WNK2: variants seen among roughly 807,000 people sequenced by gnomAD.
WNK2 encodes serine/threonine-protein kinase WNK2.
WNK2 carries 67 observed loss-of-function variants against 192.1 expected under a neutral mutation model. The observed-to-expected ratio is 0.35, with a 90% CI of 0.29 to 0.43. The LOEUF (loss-of-function observed/expected upper bound fraction) is 0.43, where lower values mean the gene tolerates loss of function less well. Ranked by LOEUF, WNK2 falls within the 20% of genes least tolerant of loss-of-function variation. The probability of loss-of-function intolerance (pLI) is 1.00; values close to 1 mark genes in which losing one functional copy is unlikely to be tolerated. For synonymous variants in WNK2, 1,439 were observed against 1,393.9 expected (o/e 1.03, Z -0.72); for missense variants, 2,698 against 3,089.7 (o/e 0.87, Z 3.01).
At chr9:93,190,346 G>A (rs186521951) in intron 2 of WNK2, among the ~76,000 whole-genome samples, 24 of 152,322 alleles carry the variant, frequency 1.6e-4, no homozygotes, top group Middle Eastern at 3.4e-3. Flanking sequence ...TGAGGCTGAG[G>A]CACCACAGCT....
intron 11 of WNK2, among the ~76,000 whole-genome samples, chr9:93,258,360 C>T (rs1240233490): frequency 6.6e-6 from 1 of 152,194 alleles, no homozygotes; most frequent in East Asian, 1.9e-4. Flanking sequence ...TCCCCTGAGC[C>T]AGCCAAGGTG....
At position 93,234,978 on chromosome 9, in the gene WNK2, G is replaced by C. The variant is rs779156256; in HGVS notation, c.1233+13G>C. ...CAAGGTCACCTGTGTGAGTCCACCTGGCCCCTTGGTTAATTAATAAGGACA... is the reference window on the plus strand; with the variant it reads ...CAAGGTCACCTGTGTGAGTCCACCTCGCCCCTTGGTTAATTAATAAGGACA... On this transcript the variant is annotated intron_variant, in intron 5 of 29. Transcript: ENST00000427277. The C allele has an allele frequency of 3.1e-6, 5 of 1,613,830 alleles. No individual in the cohort carries two copies. The highest frequency in any genetic ancestry group is 4.2e-6 in the Non-Finnish European group (5 of 1,179,806).
At chr9:93,269,967 GCTGGGGTC>G (rs1332444254) in intron 19 of WNK2, among the ~76,000 whole-genome samples, 5 of 152,206 alleles carry the variant, frequency 3.3e-5, no homozygotes, top group Non-Finnish European at 7.3e-5. Context: ...GAATTATTAG[GCTGGGGTC>G]CTGGGAAGGA....
intron 23 of WNK2, among the ~76,000 whole-genome samples, chr9:93,294,445 G>A (rs1849913475): frequency 6.6e-6 from 1 of 152,228 alleles, no homozygotes; most frequent in South Asian, 2.1e-4. Context: ...GGAGCCCAAG[G>A]TGGGTATGAC....
intron 23 of WNK2, among the ~76,000 whole-genome samples, chr9:93,293,996 C>G (rs185827498): frequency 2.6e-5 from 4 of 152,032 alleles, no homozygotes; most frequent in Admixed American, 2.0e-4. Context: ...CTCCATGTCT[C>G]TTTCCCTCAT....
In WNK2 at chr9:93,225,049, AC is replaced by A. The variant is rs1411609347; in HGVS notation, c.682-4644del. 5.9e-5 allele frequency among the ~76,000 whole-genome samples: 9 copies of A among 152,178 alleles called. No homozygotes were observed. The South Asian group carries it at 1.9e-3, about 32-fold the overall frequency. On this transcript the variant is annotated intron_variant, in intron 2 of 29. Coordinates refer to ENST00000427277, the MANE Select transcript of WNK2 (RefSeq NM_006648.4). The stretch of plus-strand genomic sequence containing the variant: ...TGGACAGGCTCTGTGGGGGCAGCAT[AC>A]CCTGTAGGTGGGCTCTGGGCAGGGC...
In WNK2 at chr9:93,289,993, C is replaced by T. The variant is rs1219348244; in HGVS notation, c.4882C>T (p.Leu1628=). The T allele has an allele frequency of 6.3e-7, 1 of 1,576,062 alleles. No homozygotes were observed. Among genetic ancestry groups the T allele is most frequent in the Non-Finnish European group, 8.6e-7 (1 of 1,159,660 alleles). The change falls in exon 21 of 30, where the codon CTG becomes TTG. Residue 1628 remains leucine, a synonymous_variant. Transcript: ENST00000427277. ...CTTTCTCCAGGTGGAGAAGTCAGAA[C>T]TGGCCCCCACTCGAGGGGCCGTGAT... ...LPQPLVEKSE[L]APTRGAVMEQ... is the part of the protein sequence containing the mutation.
At chr9:93,211,243 CACTCACTCACTCATTCACT>C (rs1834569719) in intron 2 of WNK2, among the ~76,000 whole-genome samples, 1 of 76,522 alleles carries the variant, frequency 1.3e-5, no homozygotes, top group Non-Finnish European at 2.6e-5. Flanking sequence ...CTCACTCATT[CACTCACTCACTCATTCACT>C]CATTCACTCA....
At position 93,185,284 on chromosome 9, in the gene WNK2, G is replaced by A. The variant is rs1829086549; in HGVS notation, c.355G>A (p.Val119Met). The change falls in exon 2 of 30, where the codon GTG becomes ATG. Residue 119 changes from valine (V) to methionine (M), a missense_variant. By Grantham distance (21) the Val-to-Met change is conservative (BLOSUM62 1). Transcript: ENST00000427277. ...GAPADAGPEP[V>M]GTQEPGPDPI... ...CCCCGCGGACGCCGGCCCCGAGCCC[G>A]TGGGCACGCAGGAGCCCGGCCCGGA... The A allele has an allele frequency of 1.5e-6, 2 of 1,377,208 alleles. No individual in the cohort carries two copies. Among genetic ancestry groups the A allele is most frequent in the Non-Finnish European group, 9.3e-7 (1 of 1,072,302 alleles). 85.3% of individuals were successfully genotyped at this position (1,377,208 alleles called of 1,614,324 possible). A position where few individuals can be genotyped will look rare whatever the true frequency, so the allele number is the denominator to read the frequency against.
Position 93,259,218 on chromosome 9 carries a change from C to T in WNK2, c.2670C>T (p.Ala890=), listed in dbSNP as rs765132210. ...CCACTATCCCCCTGCTGGCCGTAGC[C>T]CCACCGGGCGTGGCTGCCCTGTCCA... ...APATIPLLAV[A]PPGVAALSIH... Residue 890 remains alanine, a synonymous_variant, in exon 12 of 30, where the codon GCC becomes GCT. Transcript: ENST00000427277. The surrounding 1 kb of genome is among the most constrained non-coding windows in gnomAD (Gnocchi z 4.8). The T allele has an allele frequency of 2.5e-6, 4 of 1,613,230 alleles. No individual in the cohort carries two copies. The East Asian group carries it at 6.7e-5, about 27-fold the overall frequency.
At position 93,185,274 on chromosome 9, in the gene WNK2, C is replaced by CGT. The variant is rs2130834280; in HGVS notation, c.345_346insGT (p.Pro116ValfsTer37). The CGT allele has an allele frequency of 7.4e-7, 1 of 1,348,756 alleles. No individual in the cohort carries two copies. The highest frequency in any genetic ancestry group is 3.2e-5 in the East Asian group (1 of 31,494). The allele number at this position is 1,348,756 out of a possible 1,614,324, so 83.5% of individuals were successfully genotyped here. On this transcript the variant is annotated frameshift_variant, in exon 2 of 30. Transcript: ENST00000427277. LOFTEE classifies it high-confidence loss of function. ...CCCCCGGAGCCCCCGCGGACGCCGG[C>CGT]CCCGAGCCCGTGGGCACGCAGGAGC...
At chr9:93,300,170 A>C (rs1273868579) in intron 26 of WNK2, 21 bp downstream of exon 26, 2 of 1,595,030 alleles carry the variant, frequency 1.3e-6, no homozygotes, top group African/African-American at 2.7e-5. Flanking sequence ...GTTCTTTTGT[A>C]TTTTATCACC....
Position 93,297,943 on chromosome 9 carries a change from C to T in WNK2, c.5799C>T (p.Asn1933=), listed in dbSNP as rs1032437275. ...YRRLGKPLPP[N]VGFFHTAPPT... ...GCCTGGGCAAGCCACTGCCCCCCAACGTGGGCTTCTTCCACACGGCACCCC... is the reference window on the plus strand; with the variant it reads ...GCCTGGGCAAGCCACTGCCCCCCAATGTGGGCTTCTTCCACACGGCACCCC... Residue 1933 remains asparagine, a synonymous_variant, in exon 24 of 30, where the codon AAC becomes AAT. Coordinates refer to ENST00000427277, the MANE Select transcript of WNK2 (RefSeq NM_006648.4). 19 of 1,587,314 alleles carry T rather than the reference C, an allele frequency of 1.2e-5. No individual in the cohort carries two copies. Among genetic ancestry groups the T allele is most frequent in the Non-Finnish European group, 1.4e-5 (16 of 1,168,048 alleles).
At chr9:93,199,767 C>A (rs1409243862) in intron 2 of WNK2, among the ~76,000 whole-genome samples, 3 of 152,016 alleles carry the variant, frequency 2.0e-5, no homozygotes, top group African/African-American at 7.2e-5. Flanking sequence ...GGCCTGGTGG[C>A]AAGCACCTGT....
chr9:93,234,700 G>A (rs1338230287), intron 4 of WNK2, 108 bp from the exon 5 acceptor site: 5 of 1,320,574 alleles, frequency 3.8e-6, no homozygotes, highest in African/African-American at 1.5e-5. Flanking sequence ...GCCATGGGAT[G>A]TGGAGGGGAC....
intron 19 of WNK2, among the ~76,000 whole-genome samples, chr9:93,286,811 T>C (rs1403685917): frequency 1.3e-5 from 2 of 152,206 alleles, no homozygotes; most frequent in Non-Finnish European, 2.9e-5. Context: ...GTTTGCACAG[T>C]GGAGTACTGT....
chr9:93,194,168 A>T lies in WNK2; in HGVS notation c.681+8558A>T, dbSNP rs553531513. Among the ~76,000 whole-genome samples the T allele has an allele frequency of 1.5e-4, 23 of 152,378 alleles. No homozygotes were observed. The South Asian group carries it at 4.8e-3, about 32-fold the overall frequency. Reference sequence around the variant, plus strand: ...AACCTAGCTTTGGCAGTGACTTTAGATATAACACCAAAGGCACAGTGCTTG... The same window carrying T: ...AACCTAGCTTTGGCAGTGACTTTAGTTATAACACCAAAGGCACAGTGCTTG... On this transcript the variant is annotated intron_variant, in intron 2 of 29. Coordinates refer to ENST00000427277, the MANE Select transcript of WNK2 (RefSeq NM_006648.4).
At position 93,292,283 on chromosome 9, in the gene WNK2, AGTAAC is replaced by A; in HGVS notation, c.4937-22_4937-18del. ...TGCCTCTTCCTCCTCCTTCAGCCCC[AGTAAC>A]GTTTCTGATGTTCCCATAGCAGAGT... On this transcript the variant is annotated intron_variant, in intron 21 of 29. Transcript: ENST00000427277. 6.2e-7 allele frequency: 1 copy of A among 1,612,630 alleles called. No homozygotes were observed.
intron 2 of WNK2, among the ~76,000 whole-genome samples, chr9:93,192,903 A>G (rs867037858): frequency 4.6e-5 from 7 of 152,148 alleles, no homozygotes; most frequent in South Asian, 2.1e-4. Context: ...CAGCCCTTCT[A>G]TGCCCATAGT....
Sources: gnomAD v4.1 joint callset for allele counts (sites outside exome capture counted in the v4.1 genomes callset) on GRCh38, gnomAD v4.1.1 for gene constraint, Gnocchi (gnomAD v3.1) non-coding constraint, MANE v1.5 for transcripts, NCBI Gene and HGNC (gene_info 2026-07-23, HGNC 2026-07-21) for gene names.